The following SNTG1 variants were observed in gnomAD, a reference collection of about 807,000 sequenced individuals.
The protein encoded by SNTG1 is syntrophin gamma 1.
SNTG1 carries 39 observed loss-of-function variants against 74.7 expected under a neutral mutation model. The ratio of observed to expected loss-of-function variants is 0.52; its 90% confidence interval spans 0.40 to 0.68. SNTG1 has a LOEUF of 0.68. SNTG1 is among the 30% of genes least tolerant of loss of function. The pLI, the probability that SNTG1 is intolerant of heterozygous loss-of-function variation, is 0.00. For missense variants in SNTG1, 685 were observed against 609.5 expected (o/e 1.12, Z -1.30); for synonymous variants, 254 against 217.1 (o/e 1.17, Z -1.49).
At chr8:50,306,564 T>C (rs181200200) in intron 2 of SNTG1, among the ~76,000 whole-genome samples, 1 of 152,254 alleles carries the variant, frequency 6.6e-6, no homozygotes, top group African/African-American at 2.4e-5. Flanking sequence ...CATCTATTGC[T>C]TTTTGACTTT....
In SNTG1 at chr8:50,523,313, A is replaced by G. The variant is rs180744391; in HGVS notation, c.467-6864A>G. The stretch of plus-strand genomic sequence containing the variant: ...TGGTGTAGCACTGTTAACTTCCTTC[A>G]AACACTTTTCCTTTGCATTCACAAC... On this transcript the variant is annotated intron_variant, in intron 9 of 18. Coordinates refer to ENST00000642720, the MANE Select transcript of SNTG1 (RefSeq NM_018967.5). 1.5e-3 allele frequency among the ~76,000 whole-genome samples: 232 copies of G among 152,282 alleles called. 2 individuals carry two copies. The highest frequency in any genetic ancestry group is 0.01 in the Middle Eastern group (3 of 294).
intron 17 of SNTG1, among the ~76,000 whole-genome samples, chr8:50,730,375 T>C (rs1341667784): frequency 6.6e-6 from 1 of 152,166 alleles, no homozygotes; most frequent in Non-Finnish European, 1.5e-5. Flanking sequence ...CACATATCTC[T>C]TCAAAGGATT....
intron 18 of SNTG1, among the ~76,000 whole-genome samples, chr8:50,779,820 T>G (rs1477820860): frequency 6.6e-6 from 1 of 152,142 alleles, no homozygotes; most frequent in East Asian, 1.9e-4. Context: ...GCCAATTCAG[T>G]ATAATATTGG....
chr8:50,769,906 C>A (rs1480213234), intron 18 of SNTG1, among the ~76,000 whole-genome samples: 1 of 151,986 alleles, frequency 6.6e-6, no homozygotes, highest in Non-Finnish European at 1.5e-5. Context: ...TTGAAGCAAG[C>A]AGTTTAGCAG....
At chr8:50,085,400 G>A (rs1477199083) in intron 1 of SNTG1, among the ~76,000 whole-genome samples, 1 of 152,102 alleles carries the variant, frequency 6.6e-6, no homozygotes, top group African/African-American at 2.4e-5. Flanking sequence ...TATAGGCATG[G>A]GTAGGCAGTC....
intron 5 of SNTG1, 100 bp downstream of exon 5, chr8:50,438,699 C>A: frequency 1.1e-6 from 1 of 923,070 alleles, no homozygotes; most frequent in Non-Finnish European, 1.7e-6. Context: ...ACAAGGATGG[C>A]TATAGCAAAC....
intron 2 of SNTG1, among the ~76,000 whole-genome samples, chr8:50,301,862 GT>G (rs549672864): frequency 8.4e-4 from 88 of 105,140 alleles, no homozygotes; most frequent in African/African-American, 2.0e-3. Flanking sequence ...TTTGTTTTTT[GT>G]TTTTTTTTTT....
At chr8:50,547,712 T>G (rs78045185) in intron 11 of SNTG1, among the ~76,000 whole-genome samples, 4 of 152,184 alleles carry the variant, frequency 2.6e-5, no homozygotes, top group African/African-American at 9.7e-5. Flanking sequence ...AAGAAGTATA[T>G]GTATTCTGGT....
intron 13 of SNTG1, among the ~76,000 whole-genome samples, chr8:50,614,884 T>A (rs551242101): frequency 1.3e-5 from 2 of 152,082 alleles, no homozygotes; most frequent in East Asian, 3.9e-4. Context: ...ACAATTATTT[T>A]AAACATTTCT....
intron 13 of SNTG1, among the ~76,000 whole-genome samples, chr8:50,617,774 A>C (rs2094895239): frequency 6.6e-6 from 1 of 152,222 alleles, no homozygotes; most frequent in Admixed American, 6.5e-5. Context: ...AGATCGGAAC[A>C]AAACAGGATA....
At chr8:50,150,853 G>T (rs554521152) in intron 1 of SNTG1, among the ~76,000 whole-genome samples, 62 of 152,292 alleles carry the variant, frequency 4.1e-4, no homozygotes, top group African/African-American at 1.4e-3. Flanking sequence ...GTTCATCAGG[G>T]ATGTTGGTCT....
chr8:50,337,297 A>G (rs554767022), intron 2 of SNTG1, among the ~76,000 whole-genome samples: 1 of 152,336 alleles, frequency 6.6e-6, no homozygotes, highest in African/African-American at 2.4e-5. Context: ...ATTGGTGCCA[A>G]TAAATTACAG....
chr8:50,556,814 C>A (rs752800986), intron 12 of SNTG1, among the ~76,000 whole-genome samples: 1 of 152,156 alleles, frequency 6.6e-6, no homozygotes, highest in Non-Finnish European at 1.5e-5. Flanking sequence ...ATAGTGAGCT[C>A]TGAAGCAGAC....
intron 8 of SNTG1, among the ~76,000 whole-genome samples, chr8:50,490,021 T>A (rs1246188898): frequency 6.6e-6 from 1 of 152,208 alleles, no homozygotes; most frequent in South Asian, 2.1e-4. Flanking sequence ...ATTTATTAAA[T>A]AGGGAATCCT....
intron 13 of SNTG1, among the ~76,000 whole-genome samples, chr8:50,617,233 C>G (rs949614844): frequency 4.1e-4 from 63 of 152,102 alleles, no homozygotes; most frequent in African/African-American, 1.4e-3. Flanking sequence ...AGGGAAGGAA[C>G]CTGCTAATTT....
intron 13 of SNTG1, among the ~76,000 whole-genome samples, chr8:50,646,306 T>A (rs2095108792): frequency 6.6e-6 from 1 of 152,290 alleles, no homozygotes; most frequent in Non-Finnish European, 1.5e-5. Flanking sequence ...TTCATTAAAA[T>A]ATTGAGAGGT....
intron 4 of SNTG1, among the ~76,000 whole-genome samples, chr8:50,418,352 C>G (rs1341712721): frequency 6.6e-6 from 1 of 152,042 alleles, no homozygotes; most frequent in Non-Finnish European, 1.5e-5. Context: ...TTCTTGGGTA[C>G]CCTGCATTCC....
chr8:50,154,365 C>T (rs2082181138), intron 1 of SNTG1, among the ~76,000 whole-genome samples: 1 of 152,054 alleles, frequency 6.6e-6, no homozygotes, highest in African/African-American at 2.4e-5. Flanking sequence ...ATTCCCTGAC[C>T]CCTTGCACTT....
At chr8:50,583,742 G>A (rs1158754746) in intron 12 of SNTG1, among the ~76,000 whole-genome samples, 1 of 150,558 alleles carries the variant, frequency 6.6e-6, no homozygotes, top group Non-Finnish European at 1.5e-5. Flanking sequence ...CTAGAGGTCA[G>A]GTAAGTTTCT....
Sources: gnomAD v4.1 joint callset for allele counts (sites outside exome capture counted in the v4.1 genomes callset) on GRCh38, gnomAD v4.1.1 for gene constraint, MANE v1.5 for transcripts, NCBI Gene and HGNC (gene_info 2026-07-23, HGNC 2026-07-21) for gene names.